Variants in PIK3R3 observed in about 807,000 individuals in gnomAD.
The protein encoded by PIK3R3 is phosphoinositide-3-kinase regulatory subunit 3.
PIK3R3 carries 64 observed loss-of-function variants against 62.9 expected under a neutral mutation model. The ratio of observed to expected loss-of-function variants is 1.02; its 90% CI spans 0.83 to 1.25. The LOEUF is 1.25. Ranked by LOEUF, PIK3R3 falls within the 50% of genes most tolerant of loss-of-function variation. The pLI is 0.00. For missense variants in PIK3R3, 614 were observed against 561.6 expected, an observed-to-expected ratio of 1.09 and a Z score of -0.94; for synonymous variants, 165 against 189.0, an observed-to-expected ratio of 0.87 and a Z score of 1.04.
chr1:46,129,852 G>C (rs1177004379), intron 1 of PIK3R3, among the ~76,000 whole-genome samples: 1 of 152,058 alleles, frequency 6.6e-6, no homozygotes, highest in Non-Finnish European at 1.5e-5. Context: ...TACAAAAGGG[G>C]TAATAAAGAA....
At chr1:46,071,759 A>AGCGAGCGAGC (rs1553148113) in intron 3 of PIK3R3, among the ~76,000 whole-genome samples, 4 of 100,106 alleles carry the variant, frequency 4.0e-5, no homozygotes, top group Admixed American at 1.0e-4. Flanking sequence ...AGAGAGAGAG[A>AGCGAGCGAGC]GCGCGCGCCT....
At chr1:46,172,145 C>T in the PIK3R3 span, among the ~76,000 whole-genome samples, 1 of 152,204 alleles carries the variant, frequency 6.6e-6, no homozygotes, top group African/African-American at 2.4e-5. Flanking sequence ...GCTCCTCCTG[C>T]ACCTGTGCCA....
intron 1 of PIK3R3, among the ~76,000 whole-genome samples, chr1:46,101,887 C>G (rs993684038): frequency 6.6e-6 from 1 of 150,672 alleles, no homozygotes; most frequent in South Asian, 2.1e-4. Flanking sequence ...CTGAATTGTA[C>G]ACTTCAAACA....
chr1:46,043,238 A>C lies in PIK3R3; in HGVS notation c.*435T>G, dbSNP rs1018082907. 5 of 234,518 alleles carry C rather than the reference A, an allele frequency of 2.1e-5. No homozygotes were observed. The highest frequency in any genetic ancestry group is 1.1e-4 in the African/African-American group (5 of 45,208). 14.5% of individuals were successfully genotyped at this position (234,518 alleles called of 1,614,324 possible). On this transcript the variant is annotated 3_prime_UTR_variant, in exon 10 of 10. Transcript: ENST00000262741. The stretch of plus-strand genomic sequence containing the variant: ...CCTAAACAGCCTTCTTCGTGGGGGG[A>C]AGAGAGACTGCCAAAGCAAAACACA...
At chr1:46,165,114 C>T in the PIK3R3 span, among the ~76,000 whole-genome samples, 1 of 152,082 alleles carries the variant, frequency 6.6e-6, no homozygotes, top group Non-Finnish European at 1.5e-5. Flanking sequence ...CCCAGACCAG[C>T]TCCTACTCAT....
the PIK3R3 span, among the ~76,000 whole-genome samples, chr1:46,171,547 G>A: frequency 6.6e-6 from 1 of 152,130 alleles, no homozygotes; most frequent in Non-Finnish European, 1.5e-5. Flanking sequence ...GTAAGGGTGG[G>A]GTGACCGGTA....
rs532960943 is a variant in PIK3R3 at position 46,077,052 on chromosome 1, A to G, written c.314+463T>C. ...AAAAAATCATATATCCATCACTTAA[A>G]AGACTCTAAATATGCCCATATGAAA... On this transcript the variant is annotated intron_variant, in intron 3 of 9. Coordinates refer to ENST00000262741, the MANE Select transcript of PIK3R3 (RefSeq NM_003629.4). Among the ~76,000 whole-genome samples the G allele has an allele frequency of 7.9e-5, 12 of 152,304 alleles. No individual in the cohort carries two copies. In the South Asian group the frequency reaches 8.3e-4, roughly 11 times the overall value.
intron 1 of PIK3R3, among the ~76,000 whole-genome samples, chr1:46,127,087 C>A (rs1218964881): frequency 6.6e-6 from 1 of 151,990 alleles, no homozygotes; most frequent in African/African-American, 2.4e-5. Flanking sequence ...GTAATCCCAG[C>A]ATTTTGGGAG....
the PIK3R3 span, among the ~76,000 whole-genome samples, chr1:46,144,841 G>A: frequency 2.0e-5 from 3 of 151,592 alleles, no homozygotes; most frequent in African/African-American, 7.3e-5. Context: ...AGACTGGGTT[G>A]AGGCTGGGCA....
intron 1 of PIK3R3, among the ~76,000 whole-genome samples, chr1:46,125,844 T>C (rs1571568234): frequency 1.3e-5 from 2 of 151,310 alleles, no homozygotes; most frequent in East Asian, 3.9e-4. Flanking sequence ...CACTGCAAGC[T>C]CCGCCTCCCG....
At chr1:46,132,679 C>T (rs12738335), upstream of PIK3R3, 1 of 1,289,740 alleles carries the variant, frequency 7.8e-7, no homozygotes, top group Non-Finnish European at 1.0e-6. Context: ...GGGACACCCT[C>T]CCCGCCCCAT....
chr1:46,062,977 A>AT (rs1414131260), intron 5 of PIK3R3, among the ~76,000 whole-genome samples: 4 of 152,162 alleles, frequency 2.6e-5, no homozygotes, highest in Non-Finnish European at 5.9e-5. Context: ...TCGGCAATTG[A>AT]TTACTGAGAA....
In PIK3R3 at chr1:46,067,106, A is replaced by T. The variant is rs1276987860; in HGVS notation, c.315-15T>A. Reference sequence around the variant, plus strand: ...TGCCTCCCTTCCTGTGAACAACAAGACAACAACTGTGGATTTTTTTCCCCC... The same window carrying T: ...TGCCTCCCTTCCTGTGAACAACAAGTCAACAACTGTGGATTTTTTTCCCCC... On this transcript the variant is annotated splice_polypyrimidine_tract_variant and intron_variant, in intron 3 of 9. Coordinates refer to ENST00000262741, the MANE Select transcript of PIK3R3 (RefSeq NM_003629.4). 2 of 1,520,226 alleles carry T rather than the reference A, an allele frequency of 1.3e-6. No individual in the cohort carries two copies. Among genetic ancestry groups the T allele is most frequent in the Non-Finnish European group, 1.8e-6 (2 of 1,136,818 alleles). 94.2% of individuals were successfully genotyped at this position (1,520,226 alleles called of 1,614,324 possible). A position where few individuals can be genotyped will look rare whatever the true frequency, so the allele number is the denominator to read the frequency against.
At chr1:46,123,451 C>T (rs1012611162) in intron 1 of PIK3R3, among the ~76,000 whole-genome samples, 1 of 151,998 alleles carries the variant, frequency 6.6e-6, no homozygotes, top group African/African-American at 2.4e-5. Context: ...AAGTTAGGTG[C>T]CATATTACTA....
rs201330473 is a variant in PIK3R3 at position 46,067,009 on chromosome 1, C to T, written c.397G>A (p.Val133Met). The T allele has an allele frequency of 3.4e-5, 55 of 1,605,702 alleles. No individual in the cohort carries two copies. The highest frequency in any genetic ancestry group is 5.4e-5 in the African/African-American group (4 of 74,158). The change falls in exon 4 of 10, where the codon GTG (valine) becomes ATG (methionine). Residue 133 changes from valine (V) to methionine (M), a missense_variant. Coordinates refer to ENST00000262741, the MANE Select transcript of PIK3R3 (RefSeq NM_003629.4). ...GFSDPLTFNS[V>M]VELINHYHHE... ...TGATAGTGGTTAATGAGCTCCACCA[C>T]GGAATTAAATGTCAGAGGATCAGAA... is the stretch of plus-strand genomic sequence containing the variant.
intron 1 of PIK3R3, among the ~76,000 whole-genome samples, chr1:46,088,607 GA>G (rs1415838870): frequency 3.9e-5 from 6 of 151,940 alleles, no homozygotes; most frequent in Non-Finnish European, 8.8e-5. Flanking sequence ...AACAAAGAGA[GA>G]AAGTAATGAA....
chr1:46,126,020 A>C (rs540248989), intron 1 of PIK3R3, among the ~76,000 whole-genome samples: 1 of 151,364 alleles, frequency 6.6e-6, no homozygotes, highest in Non-Finnish European at 1.5e-5. Flanking sequence ...TCGGCCTCCC[A>C]AAGTGCTGGG....
At chr1:46,050,767 G>A (rs1188064041) in intron 7 of PIK3R3, among the ~76,000 whole-genome samples, 4 of 152,106 alleles carry the variant, frequency 2.6e-5, no homozygotes, top group African/African-American at 9.7e-5. Flanking sequence ...GTTCACAGCA[G>A]CATTACTGAA....
chr1:46,045,129 A>G (rs1647075439), intron 9 of PIK3R3, among the ~76,000 whole-genome samples: 1 of 152,230 alleles, frequency 6.6e-6, no homozygotes, highest in African/African-American at 2.4e-5. Flanking sequence ...AGATTAACTC[A>G]TTTAATCCTC....
Sources: allele counts gnomAD v4.1 joint callset (sites outside exome capture counted in the v4.1 genomes callset), GRCh38; gene constraint gnomAD v4.1.1; transcripts MANE v1.5; gene names NCBI Gene and HGNC (gene_info 2026-07-23, HGNC 2026-07-21).